ABCG1: variants seen among roughly 807,000 people sequenced by gnomAD.
ABCG1 encodes the protein ATP-binding cassette sub-family G member 1.
ABCG1 carries 29 observed loss-of-function variants against 69.2 expected under a neutral mutation model. The ratio of observed to expected loss-of-function variants is 0.42; its 90% CI spans 0.31 to 0.57. The LOEUF (loss-of-function observed/expected upper bound fraction) is 0.57, where lower values mean the gene tolerates loss of function less well. Ranked by LOEUF, ABCG1 falls within the 20% of genes least tolerant of loss-of-function variation. The pLI, the probability that ABCG1 is intolerant of heterozygous loss-of-function variation, is 0.15. For missense variants in ABCG1, 718 were observed against 898.1 expected, an observed-to-expected ratio of 0.80 and a Z score of 2.56; for synonymous variants, 370 against 374.8, an observed-to-expected ratio of 0.99 and a Z score of 0.15.
intron 2 of ABCG1, among the ~76,000 whole-genome samples, chr21:42,232,086 C>T (rs80065333): frequency 0.017 from 2,615 of 152,320 alleles, 70 homozygotes; most frequent in African/African-American, 0.059. Flanking sequence ...TGAGGGGTAG[C>T]ACTCCTTTGG....
intron 6 of ABCG1, among the ~76,000 whole-genome samples, chr21:42,283,834 AAGTCCCCCCG>A: frequency 1.7e-5 from 1 of 60,490 alleles, no homozygotes; most frequent in South Asian, 9.4e-4. Flanking sequence ...GACAGTTGCA[AAGTCCCCCCG>A]CCCAGATGAG....
chr21:42,236,173 G>A (rs916581957), intron 2 of ABCG1, among the ~76,000 whole-genome samples: 15 of 152,214 alleles, frequency 9.9e-5, no homozygotes, highest in African/African-American at 3.4e-4. Context: ...AATCTGCAGC[G>A]TTGGCTCCGC....
chr21:42,222,966 C>T (rs2067753400), intron 1 of ABCG1, among the ~76,000 whole-genome samples: 1 of 152,224 alleles, frequency 6.6e-6, no homozygotes, highest in South Asian at 2.1e-4. Flanking sequence ...ATCACCCCAC[C>T]TGGCTCACAG....
At chr21:42,211,674 A>T (rs1601332978), upstream of ABCG1, among the ~76,000 whole-genome samples, 1 of 151,712 alleles carries the variant, frequency 6.6e-6, no homozygotes, top group East Asian at 1.9e-4. Flanking sequence ...GAGGTCAGGA[A>T]TTCAAGACCA....
intron 3 of ABCG1, 135 bp downstream of exon 3, chr21:42,271,322 A>G (rs1251698333): frequency 1.9e-6 from 1 of 532,198 alleles, no homozygotes; most frequent in East Asian, 3.3e-5. Flanking sequence ...GGAGAGAGTG[A>G]CATTGAGAGG....
At chr21:42,265,673 G>C (rs547478640) in intron 2 of ABCG1, among the ~76,000 whole-genome samples, 2 of 152,176 alleles carry the variant, frequency 1.3e-5, no homozygotes, top group Non-Finnish European at 2.9e-5. Flanking sequence ...CCTGGAAAGG[G>C]GTCAGCTCTA....
At chr21:42,264,381 C>T (rs2068465556) in intron 2 of ABCG1, among the ~76,000 whole-genome samples, 1 of 152,214 alleles carries the variant, frequency 6.6e-6, no homozygotes, top group African/African-American at 2.4e-5. Flanking sequence ...ATCCATCTGT[C>T]TGTCCCTCTG....
At chr21:42,239,165 A>C (rs1260556000) in intron 2 of ABCG1, among the ~76,000 whole-genome samples, 1 of 152,212 alleles carries the variant, frequency 6.6e-6, no homozygotes, top group Non-Finnish European at 1.5e-5. Flanking sequence ...TGGGCTCCAC[A>C]GTAAGAGAGT....
chr21:42,287,956 C>G lies in ABCG1; in HGVS notation c.1041C>G (p.Gly347=). The change falls in exon 9 of 15, where the codon GGC becomes GGG. Residue 347 remains glycine, a synonymous_variant. Transcript: ENST00000398449. The surrounding 1 kb of genome is among the most constrained non-coding windows in gnomAD (Gnocchi z 6.2). ...NSRLVRAVRE[G]MCDSDHKRDL... is the part of the protein sequence containing the mutation. The stretch of plus-strand genomic sequence containing the variant: ...GGCTGGTGAGAGCGGTTCGGGAGGG[C>G]ATGTGTGACTCAGACCACAAGAGAG... 6.2e-7 allele frequency: 1 copy of G among 1,613,736 alleles called. No individual in the cohort carries two copies. The highest frequency in any genetic ancestry group is 8.5e-7 in the Non-Finnish European group (1 of 1,179,760).
chr21:42,275,766 A>G (rs1193320668), intron 4 of ABCG1, among the ~76,000 whole-genome samples: 2 of 152,260 alleles, frequency 1.3e-5, no homozygotes, highest in African/African-American at 4.8e-5. Context: ...GCCCTGGAGA[A>G]ATACTCTGAG....
At chr21:42,252,622 C>T (rs1289547745) in intron 2 of ABCG1, among the ~76,000 whole-genome samples, 2 of 152,092 alleles carry the variant, frequency 1.3e-5, no homozygotes, top group Non-Finnish European at 2.9e-5. Flanking sequence ...ACTCTGATGT[C>T]ATTCAGCTTG....
At chr21:42,268,833 CTCCATGCCATG>C (rs1259562995) in intron 2 of ABCG1, among the ~76,000 whole-genome samples, 7 of 152,186 alleles carry the variant, frequency 4.6e-5, no homozygotes, top group African/African-American at 1.7e-4. Context: ...TGCTCCCAGC[CTCCATGCCATG>C]TCCTGTTCCT....
chr21:42,287,915 G>A lies in ABCG1; in HGVS notation c.1000G>A (p.Gly334Ser), dbSNP rs866211577. The change falls in exon 9 of 15, where the codon GGT becomes AGT. Residue 334 changes from glycine (G) to serine (S), a missense_variant. Transcript: ENST00000398449. The surrounding 1 kb of genome is among the most constrained non-coding windows in gnomAD (Gnocchi z 6.2). ...CATGGAGGTTGCATCCGGCGAGTACGGTGATCAGAACAGTCGGCTGGTGAG... is the reference window on the plus strand; with the variant it reads ...CATGGAGGTTGCATCCGGCGAGTACAGTGATCAGAACAGTCGGCTGGTGAG... ...FVMEVASGEY[G>S]DQNSRLVRAV... 20 of 1,603,452 alleles carry A rather than the reference G, an allele frequency of 1.2e-5. No homozygotes were observed. The highest frequency in any genetic ancestry group is 1.5e-5 in the Non-Finnish European group (18 of 1,173,432).
intron 2 of ABCG1, among the ~76,000 whole-genome samples, chr21:42,248,700 C>T (rs758351654): frequency 1.1e-4 from 17 of 151,164 alleles, no homozygotes; most frequent in Non-Finnish European, 1.9e-4. Context: ...GCAGCCTGGG[C>T]AACATGGCGA....
intron 2 of ABCG1, among the ~76,000 whole-genome samples, chr21:42,241,743 T>C (rs546727417): frequency 1.3e-5 from 2 of 151,942 alleles, no homozygotes; most frequent in South Asian, 4.2e-4. Context: ...TTCCAGCACC[T>C]TGTGGGGCTG....
At chr21:42,286,286 A>T in intron 8 of ABCG1, 1 of 366,314 alleles carries the variant, frequency 2.7e-6, no homozygotes, top group Non-Finnish European at 5.0e-6. Context: ...TAAGTCCAGG[A>T]TGATTCATCT....
chr21:42,209,961 AG>A (rs2067573298), intron 2 of ABCG1, among the ~76,000 whole-genome samples: 1 of 152,234 alleles, frequency 6.6e-6, no homozygotes, highest in African/African-American at 2.4e-5. Context: ...CCACTTGGGA[AG>A]GGCCAATGAT....
chr21:42,271,177 G>A lies in ABCG1; in HGVS notation c.394G>A (p.Ala132Thr). 1.9e-6 allele frequency: 3 copies of A among 1,566,218 alleles called. No homozygotes were observed. The South Asian group carries it at 3.6e-5, about 19-fold the overall frequency. Residue 132 changes from alanine (A) to threonine (T), a missense_variant, in exon 3 of 15, where the codon GCT becomes ACT. Transcript: ENST00000398449. ...AGKSTLMNIL[A>T]GYRETGMKGA... is the part of the protein sequence containing the mutation. ...GAAGTCCACGCTGATGAACATCCTG[G>A]CTGGATACAGGTGAGCAGCCCTGCC...
In ABCG1 at chr21:42,290,217, A is replaced by G. The variant is rs143430815; in HGVS notation, c.1392A>G (p.Thr464=). ...CGGCCCTCATGCCTACTGTTCTGAC[A>G]TGTGAGTGACAGACCGCTGACCCCT... ...MFAALMPTVL[T]FPLEMGVFLR... Residue 464 remains threonine (T), a splice_region_variant and synonymous_variant, in exon 11 of 15, where the codon ACA becomes ACG. Coordinates refer to ENST00000398449, the MANE Select transcript of ABCG1 (RefSeq NM_016818.3). 6.2e-7 allele frequency: 1 copy of G among 1,613,604 alleles called. No individual in the cohort carries two copies. The highest frequency in any genetic ancestry group is 1.3e-5 in the African/African-American group (1 of 74,896).
Sources: allele counts gnomAD v4.1 joint callset (sites outside exome capture counted in the v4.1 genomes callset), GRCh38; gene constraint gnomAD v4.1.1; non-coding constraint Gnocchi (gnomAD v3.1); transcripts MANE v1.5; gene names NCBI Gene and HGNC (gene_info 2026-07-23, HGNC 2026-07-21).